Variants in DBF4 observed in about 807,000 individuals in gnomAD.
DBF4 encodes the protein DBF4-CDC7 kinase regulatory subunit.
A neutral mutation model predicts 76.6 loss-of-function variants in DBF4; 25 were observed. The ratio of observed to expected loss-of-function variants is 0.33; its 90% CI spans 0.24 to 0.46. The LOEUF (loss-of-function observed/expected upper bound fraction) is 0.46. Among genes scored for constraint, DBF4 ranks in the 20% least tolerant of loss-of-function variants. The pLI, the probability that DBF4 is intolerant of heterozygous loss-of-function variation, is 1.00. For missense variants in DBF4, 638 were observed against 760.8 expected, an observed-to-expected ratio of 0.84 and a Z score of 1.90; for synonymous variants, 213 against 258.0, an observed-to-expected ratio of 0.83 and a Z score of 1.67.
chr7:87,904,580 A>T (rs1839869939), intron 11 of DBF4, among the ~76,000 whole-genome samples, 164 bp downstream of exon 11: 1 of 151,952 alleles, frequency 6.6e-6, no homozygotes, highest in African/African-American at 2.4e-5. Context: ...TCTCTACTAA[A>T]AAAATAAAAA....
At chr7:87,888,122 A>G (rs1839406209) in intron 6 of DBF4, 63 bp downstream of exon 6, 2 of 1,489,236 alleles carry the variant, frequency 1.3e-6, no homozygotes. Flanking sequence ...CGTATTTGCA[A>G]AGTTTTCCTC....
In DBF4 at chr7:87,878,081, C is replaced by T. The variant is rs1288193033; in HGVS notation, c.75C>T (p.Asn25=). 3.7e-6 allele frequency: 6 copies of T among 1,604,632 alleles called. No individual in the cohort carries two copies. The highest frequency in any genetic ancestry group is 1.7e-5 in the Admixed American group (1 of 58,544). ...GAATCCAAGTCAAAAATGAAAAAAA[C>T]AGACCATCTCTGAAATCTCTGAAAA... The part of the protein sequence containing the change: ...QGGIQVKNEK[N]RPSLKSLKTD... The change falls in exon 2 of 12, where the codon AAC becomes AAT. Residue 25 remains asparagine, a synonymous_variant. Transcript: ENST00000265728.
chr7:87,884,906 TAGCCTGGATAACACAGTG>T, intron 2 of DBF4, 55 bp from the exon 3 acceptor site: 1 of 1,186,458 alleles, frequency 8.4e-7, no homozygotes, highest in Non-Finnish European at 1.2e-6. Flanking sequence ...CACTGCACTC[TAGCCTGGATAACACAGTG>T]AGACCGTGTT....
chr7:87,886,744 T>G, intron 3 of DBF4, 100 bp from the exon 4 acceptor site: 1 of 736,626 alleles, frequency 1.4e-6, no homozygotes, highest in Non-Finnish European at 2.3e-6. Context: ...AGAAACTTTT[T>G]AATATGAGAC....
chr7:87,889,745 C>T (rs560074139), intron 6 of DBF4, among the ~76,000 whole-genome samples: 1 of 152,156 alleles, frequency 6.6e-6, no homozygotes, highest in South Asian at 2.1e-4. Context: ...AACTATCAAT[C>T]AAAGTGTAAA....
chr7:87,905,722 T>C (rs1839898492), intron 11 of DBF4, among the ~76,000 whole-genome samples: 1 of 152,198 alleles, frequency 6.6e-6, no homozygotes, highest in African/African-American at 2.4e-5. Context: ...GATAACAAGA[T>C]ACAGCTTCTG....
intron 6 of DBF4, among the ~76,000 whole-genome samples, chr7:87,889,482 G>A (rs1202391686): frequency 6.6e-6 from 1 of 151,834 alleles, no homozygotes; most frequent in East Asian, 1.9e-4. Context: ...GTTTCGCCAT[G>A]TTGCCCAGGC....
chr7:87,904,258 A>C, intron 10 of DBF4, 34 bp from the exon 11 acceptor site: 3 of 1,567,692 alleles, frequency 1.9e-6, no homozygotes, highest in Non-Finnish European at 2.6e-6. Context: ...TTTTAAATAC[A>C]ATTTTTTGAT....
intron 10 of DBF4, among the ~76,000 whole-genome samples, chr7:87,902,091 G>T (rs1247967333): frequency 1.3e-5 from 2 of 152,088 alleles, no homozygotes; most frequent in Non-Finnish European, 2.9e-5. Flanking sequence ...ATTACAGATT[G>T]GTCCTGAAGT....
At chr7:87,902,298 T>A (rs1299080120) in intron 10 of DBF4, among the ~76,000 whole-genome samples, 1 of 152,172 alleles carries the variant, frequency 6.6e-6, no homozygotes, top group African/African-American at 2.4e-5. Context: ...TATATGTTTC[T>A]TAGTTGCTAA....
chr7:87,898,636 A>C (rs1386101866), intron 8 of DBF4, among the ~76,000 whole-genome samples: 1 of 151,914 alleles, frequency 6.6e-6, no homozygotes, highest in Non-Finnish European at 1.5e-5. Flanking sequence ...CTAAAAATAT[A>C]AAAAATTAGC....
intron 6 of DBF4, among the ~76,000 whole-genome samples, chr7:87,890,927 A>T (rs184484458): frequency 6.6e-6 from 1 of 152,328 alleles, no homozygotes; most frequent in East Asian, 1.9e-4. Context: ...TGATACTCAT[A>T]CTGGAAATTT....
At chr7:87,889,662 A>G (rs1241210251) in intron 6 of DBF4, among the ~76,000 whole-genome samples, 2 of 152,182 alleles carry the variant, frequency 1.3e-5, no homozygotes, top group African/African-American at 2.4e-5. Flanking sequence ...CTTTTTATGC[A>G]TTTCTCGTTT....
chr7:87,900,887 G>A lies in DBF4; in HGVS notation c.924+9G>A, dbSNP rs967143900. ...ATGAAGATCTAGAAACTGTAAATGTGATTTTATATTTTGGGGGCTTGTTTC... is the reference window on the plus strand; with the variant it reads ...ATGAAGATCTAGAAACTGTAAATGTAATTTTATATTTTGGGGGCTTGTTTC... On this transcript the variant is annotated intron_variant, in intron 10 of 11. Coordinates refer to ENST00000265728, the MANE Select transcript of DBF4 (RefSeq NM_006716.4). 9 of 1,602,820 alleles carry A rather than the reference G, an allele frequency of 5.6e-6. No individual in the cohort carries two copies. In the East Asian group the frequency reaches 1.6e-4, roughly 28 times the overall value.
At chr7:87,892,664 G>A (rs551146792) in intron 6 of DBF4, among the ~76,000 whole-genome samples, 1 of 152,302 alleles carries the variant, frequency 6.6e-6, no homozygotes, top group Non-Finnish European at 1.5e-5. Context: ...ATGCCAAACT[G>A]TCTTCCAAAG....
chr7:87,879,700 C>T (rs987998767), intron 2 of DBF4, among the ~76,000 whole-genome samples: 3 of 152,142 alleles, frequency 2.0e-5, no homozygotes, highest in African/African-American at 7.2e-5. Flanking sequence ...ACCTGTAATC[C>T]TAGCACTTTT....
intron 2 of DBF4, chr7:87,878,638 A>T (rs1382370316): frequency 6.4e-6 from 1 of 156,264 alleles, no homozygotes; most frequent in Admixed American, 6.5e-5. Flanking sequence ...ATTGTTCCTG[A>T]GTGATACAGA....
chr7:87,896,292 A>G (rs1479540915), intron 6 of DBF4, 182 bp from the exon 7 acceptor site: 1 of 493,708 alleles, frequency 2.0e-6, no homozygotes, highest in South Asian at 3.0e-5. Context: ...CTAGAATGCA[A>G]GGTACTTGCT....
chr7:87,895,901 A>G (rs1212378038), intron 6 of DBF4, among the ~76,000 whole-genome samples: 1 of 152,146 alleles, frequency 6.6e-6, no homozygotes, highest in Non-Finnish European at 1.5e-5. Flanking sequence ...CTTGAACCTC[A>G]TTCCTGGTTC....
Sources: allele counts gnomAD v4.1 joint callset (sites outside exome capture counted in the v4.1 genomes callset), GRCh38; gene constraint gnomAD v4.1.1; transcripts MANE v1.5; gene names NCBI Gene and HGNC (gene_info 2026-07-23, HGNC 2026-07-21).